Variants in WWOX observed in about 807,000 individuals in gnomAD.
WWOX encodes WW domain containing oxidoreductase.
Under a neutral mutation model 46.2 loss-of-function variants are expected in WWOX, and 69 were observed. The observed-to-expected ratio is 1.49, with a 90% CI of 1.23 to 1.82. The LOEUF (loss-of-function observed/expected upper bound fraction) is 1.82. Among genes scored for constraint, WWOX ranks in the 40% most tolerant of loss-of-function variants. The pLI is 0.00. For missense variants in WWOX, 919 were observed against 542.6 expected (o/e 1.69, Z -6.89); for synonymous variants, 359 against 202.6 (o/e 1.77, Z -6.56).
At chr16:78,163,419 T>C (rs2034862980) in intron 4 of WWOX, among the ~76,000 whole-genome samples, 1 of 152,210 alleles carries the variant, frequency 6.6e-6, no homozygotes, top group South Asian at 2.1e-4. Context: ...CGTGGCCCTT[T>C]CCTGGTGGGT....
chr16:78,556,572 G>A (rs1350254857), intron 8 of WWOX, among the ~76,000 whole-genome samples: 2 of 152,134 alleles, frequency 1.3e-5, no homozygotes, highest in African/African-American at 4.8e-5. Context: ...ATCGCAGCTG[G>A]ACCGGCGTGC....
At chr16:78,344,104 A>G (rs1310220116) in intron 5 of WWOX, among the ~76,000 whole-genome samples, 2 of 118,084 alleles carry the variant, frequency 1.7e-5, no homozygotes, top group Admixed American at 8.3e-5. Flanking sequence ...CAGGTATATC[A>G]TCCTAAGGGC....
chr16:78,747,555 CTG>C (rs141706992), intron 8 of WWOX, among the ~76,000 whole-genome samples: 136 of 152,270 alleles, frequency 8.9e-4, no homozygotes, highest in African/African-American at 3.2e-3. Flanking sequence ...GATGAGGAAA[CTG>C]AGGCTAAGAG....
chr16:78,478,664 C>T (rs888213733), intron 8 of WWOX, among the ~76,000 whole-genome samples: 2 of 152,198 alleles, frequency 1.3e-5, no homozygotes, highest in Non-Finnish European at 2.9e-5. Flanking sequence ...TACTGGTTCA[C>T]TGCACTGGCT....
At chr16:79,190,242 C>G (rs1180357805) in intron 8 of WWOX, among the ~76,000 whole-genome samples, 2 of 152,092 alleles carry the variant, frequency 1.3e-5, no homozygotes, top group African/African-American at 2.4e-5. Flanking sequence ...CCAGGCTGGT[C>G]TCGAACTCCT....
intron 8 of WWOX, among the ~76,000 whole-genome samples, chr16:78,523,081 A>C (rs1042117290): frequency 2.6e-5 from 4 of 152,154 alleles, no homozygotes; most frequent in Non-Finnish European, 4.4e-5. Flanking sequence ...CCAAAAAAAT[A>C]AATAAATAAA....
intron 8 of WWOX, chr16:78,981,988 T>C (rs549290900): frequency 6.6e-6 from 1 of 152,144 alleles, no homozygotes. Context: ...CTCCAGTGTT[T>C]TGACTGGCAG....
chr16:78,124,655 G>A (rs969314759), intron 4 of WWOX, among the ~76,000 whole-genome samples: 1 of 152,162 alleles, frequency 6.6e-6, no homozygotes, highest in Admixed American at 6.5e-5. Context: ...GCTGGTCTCA[G>A]TCTACACAAG....
At chr16:78,216,213 G>A (rs1463673711) in intron 5 of WWOX, among the ~76,000 whole-genome samples, 16 of 152,112 alleles carry the variant, frequency 1.1e-4, no homozygotes, top group Admixed American at 8.5e-4. Flanking sequence ...ACAATGGGGG[G>A]AGTAATAATG....
At chr16:78,868,901 CT>C (rs1252190573) in intron 8 of WWOX, among the ~76,000 whole-genome samples, 5 of 152,106 alleles carry the variant, frequency 3.3e-5, no homozygotes, top group Admixed American at 6.6e-5. Flanking sequence ...GAAATTTGCA[CT>C]TTTCCCCCCT....
chr16:78,522,496 C>T (rs1382280559), intron 8 of WWOX, among the ~76,000 whole-genome samples: 3 of 152,224 alleles, frequency 2.0e-5, no homozygotes, highest in Non-Finnish European at 4.4e-5. Flanking sequence ...TGTCACTCTT[C>T]TCTGTCTTCT....
chr16:78,617,665 T>C (rs1412526212), intron 8 of WWOX, among the ~76,000 whole-genome samples: 1 of 152,120 alleles, frequency 6.6e-6, no homozygotes, highest in Non-Finnish European at 1.5e-5. Context: ...CAAGCTTGCA[T>C]GGCGCTCAGG....
chr16:78,673,035 G>A (rs1266244255), intron 8 of WWOX, among the ~76,000 whole-genome samples: 10 of 152,196 alleles, frequency 6.6e-5, no homozygotes, highest in Admixed American at 6.5e-4. Flanking sequence ...ACCCGTCAAT[G>A]GGGTGAAGGG....
intron 5 of WWOX, among the ~76,000 whole-genome samples, chr16:78,342,802 A>T (rs2033590111): frequency 8.3e-6 from 1 of 120,748 alleles, no homozygotes; most frequent in African/African-American, 2.8e-5. Flanking sequence ...TTCCACTATC[A>T]TTCTGCCATC....
intron 8 of WWOX, among the ~76,000 whole-genome samples, chr16:78,786,580 C>A (rs570030152): frequency 2.0e-5 from 3 of 152,154 alleles, no homozygotes; most frequent in South Asian, 4.2e-4. Flanking sequence ...TTCCAATAAG[C>A]CCATTTGAAG....
At chr16:78,959,745 C>T (rs1374100075) in intron 8 of WWOX, among the ~76,000 whole-genome samples, 2 of 152,158 alleles carry the variant, frequency 1.3e-5, no homozygotes, top group East Asian at 1.9e-4. Flanking sequence ...TTTCCATGAC[C>T]AAATGCCCAT....
chr16:78,577,958 G>A (rs556235591), intron 8 of WWOX, among the ~76,000 whole-genome samples: 2 of 152,072 alleles, frequency 1.3e-5, no homozygotes, highest in Admixed American at 1.3e-4. Context: ...AGATAACCAA[G>A]ACTCACTAAT....
chr16:78,511,503 A>C (rs971109923), intron 8 of WWOX, among the ~76,000 whole-genome samples: 7 of 152,214 alleles, frequency 4.6e-5, no homozygotes, highest in Non-Finnish European at 1.5e-5. Context: ...GTTGCCCCCA[A>C]GCCTGTTGCC....
chr16:79,066,214 C>A (rs2048438461), intron 8 of WWOX, among the ~76,000 whole-genome samples: 1 of 152,212 alleles, frequency 6.6e-6, no homozygotes, highest in Non-Finnish European at 1.5e-5. Context: ...GTGGGACGTT[C>A]CTTCCAGAGA....
Sources: allele counts gnomAD v4.1 joint callset (sites outside exome capture counted in the v4.1 genomes callset), GRCh38; gene constraint gnomAD v4.1.1; transcripts MANE v1.5; gene names NCBI Gene and HGNC (gene_info 2026-07-23, HGNC 2026-07-21).